TOMT: variants seen among roughly 807,000 people sequenced by gnomAD.
The protein encoded by TOMT is transmembrane O-methyltransferase.
Under a neutral mutation model 21.7 loss-of-function variants are expected in TOMT, and 23 were observed. The observed-to-expected ratio is 1.06, with a 90% CI of 0.76 to 1.50. The LOEUF (loss-of-function observed/expected upper bound fraction) is 1.50. Among genes scored for constraint, TOMT ranks in the 40% most tolerant of loss-of-function variants. TOMT has a pLI of 0.00. For synonymous variants in TOMT, 132 were observed against 150.8 expected (o/e 0.88, Z 0.91); for missense variants, 331 against 348.7 (o/e 0.95, Z 0.41).
At chr11:72,106,046 T>C (rs1384559735) in exon 1 of TOMT, 2 of 1,550,964 alleles carry the variant, frequency 1.3e-6, no homozygotes, top group Non-Finnish European at 1.7e-6. Context: ...CGCACGGTCT[T>C]GCTGCGAAGC....
chr11:72,108,704 C>T lies in TOMT; in HGVS notation c.556C>T (p.Arg186Ter), dbSNP rs923848175. 34 of 1,548,236 alleles carry T rather than the reference C, an allele frequency of 2.2e-5. No individual in the cohort carries two copies. The highest frequency in any genetic ancestry group is 1.5e-4 in the East Asian group (6 of 40,910). ...CCTGGTGCTCCTGGCACACCGGCCA[C>T]GATGTTACCTGAGGGACCTGCAGCT... Residue 186 changes from arginine (R) to a stop codon, truncating the protein, a stop_gained, in exon 3 of 3, where the codon CGA becomes TGA. Transcript: ENST00000541899. LOFTEE classifies it high-confidence loss of function.
exon 3 of TOMT, chr11:72,108,858 C>T: frequency 6.4e-7 from 1 of 1,550,702 alleles, no homozygotes; most frequent in Non-Finnish European, 8.7e-7. Flanking sequence ...CTCCACCACA[C>T]TGGCCTTCCA....
At chr11:72,108,868 A>C in exon 3 of TOMT, 1 of 1,550,328 alleles carries the variant, frequency 6.5e-7, no homozygotes, top group Non-Finnish European at 8.7e-7. Context: ...CTGGCCTTCC[A>C]GACTTCCCTG....
At chr11:72,107,601 T>A in intron 1 of TOMT, 1 of 685,204 alleles carries the variant, frequency 1.5e-6, no homozygotes, top group Non-Finnish European at 2.7e-6. Context: ...TACTGAGAGA[T>A]GAACCTGGAA....
At chr11:72,108,632 G>A (rs1311243087) in exon 3 of TOMT, 3 of 1,493,748 alleles carry the variant, frequency 2.0e-6, no homozygotes, top group Non-Finnish European at 2.7e-6. Context: ...CAGCTCAGAG[G>A]ACGTGATCCC....
chr11:72,106,343 T>C (rs1376538112), intron 1 of TOMT, 133 bp downstream of exon 1: 6 of 981,230 alleles, frequency 6.1e-6, no homozygotes, highest in Non-Finnish European at 8.3e-6. Flanking sequence ...TTTTTTCTCA[T>C]CTGGAAATGA....
At chr11:72,107,484 G>A (rs1347199976) in intron 1 of TOMT, 1 of 702,884 alleles carries the variant, frequency 1.4e-6, no homozygotes, top group Non-Finnish European at 2.6e-6. Flanking sequence ...GGGTGGGAAG[G>A]GCAAAGCCAG....
At chr11:72,106,205 T>G in exon 1 of TOMT, 1 of 1,491,520 alleles carries the variant, frequency 6.7e-7, no homozygotes, top group Non-Finnish European at 9.0e-7. Flanking sequence ...ATGGGGCCTG[T>G]CAAAGGTCAG....
At chr11:72,108,146 A>G in intron 2 of TOMT, 27 bp downstream of exon 2, 1 of 1,469,282 alleles carries the variant, frequency 6.8e-7, no homozygotes, top group Non-Finnish European at 9.1e-7. Context: ...CCCAACCCAG[A>G]TTTTTGTCAC....
exon 3 of TOMT, chr11:72,108,866 C>G (rs1230887072): frequency 6.4e-7 from 1 of 1,550,500 alleles, no homozygotes; most frequent in Admixed American, 2.0e-5. Flanking sequence ...CACTGGCCTT[C>G]CAGACTTCCC....
At chr11:72,109,188 T>C (rs1438489632) in exon 3 of TOMT, 1 of 509,786 alleles carries the variant, frequency 2.0e-6, no homozygotes, top group Non-Finnish European at 3.6e-6. Context: ...CCGACCCAGC[T>C]CTGTCACTGA....
intron 2 of TOMT, among the ~76,000 whole-genome samples, chr11:72,108,400 C>T (rs768745109): frequency 6.6e-6 from 1 of 152,238 alleles, no homozygotes; most frequent in Non-Finnish European, 1.5e-5. Context: ...TTGAGCAAAG[C>T]ATGCATCCTC....
chr11:72,107,117 A>G (rs1945763919), intron 1 of TOMT: 3 of 318,538 alleles, frequency 9.4e-6, no homozygotes, highest in Non-Finnish European at 1.7e-5. Context: ...AAATTTAAAA[A>G]TTAGCCGGGT....
chr11:72,108,530 G>A (rs992192892), intron 2 of TOMT, 75 bp from the exon 3 acceptor site: 27 of 1,349,084 alleles, frequency 2.0e-5, no homozygotes, highest in Non-Finnish European at 2.6e-5. Flanking sequence ...CATGAAGTAA[G>A]CCAGATCCTG....
Position 72,106,101 on chromosome 11 carries a change from C to G in TOMT, c.150C>G (p.Phe50Leu), listed in dbSNP as rs746981074. Residue 50 changes from phenylalanine to leucine, a missense_variant, in exon 1 of 3, where the codon TTC (phenylalanine) becomes TTG (leucine). Coordinates refer to ENST00000541899, the Ensembl canonical transcript of TOMT. ...GGCTGCGGATCGAGGAGCGGGCCTT[C>G]AGCTACGTGCTCACCCATGCCCTGC... 1.5e-5 allele frequency: 23 copies of G among 1,548,976 alleles called. No individual in the cohort carries two copies. Among genetic ancestry groups the G allele is most frequent in the Non-Finnish European group, 1.5e-5 (17 of 1,146,902 alleles).
In TOMT at chr11:72,106,007, G is replaced by A. The variant is rs950057959; in HGVS notation, c.56G>A (p.Arg19Gln). ...CCACTGGTGGTAACATTGCTGGTGC[G>A]GTACCGGCACTACTTCCGATTGCTG... is the stretch of plus-strand genomic sequence containing the variant. Residue 19 changes from arginine to glutamine, a missense_variant, in exon 1 of 3, where the codon CGG becomes CAG. Transcript: ENST00000541899. 57 of 1,550,790 alleles carry A rather than the reference G, an allele frequency of 3.7e-5. No homozygotes were observed. The Admixed American group carries it at 4.5e-4, about 12-fold the overall frequency.
chr11:72,106,946 AAAAAAAAAAAAG>A (rs1945744263), intron 1 of TOMT: 1 of 151,190 alleles, frequency 6.6e-6, no homozygotes, highest in Non-Finnish European at 1.4e-5. Context: ...GTCTCAAAAA[AAAAAAAAAAAAG>A]AAAAAGAAAA....
chr11:72,105,976 T>C, exon 1 of TOMT: 2 of 1,550,204 alleles, frequency 1.3e-6, no homozygotes, highest in Non-Finnish European at 1.7e-6. Context: ...TGCATTGGCC[T>C]TCCTGCCACT....
chr11:72,108,825 G>C, exon 3 of TOMT: 1 of 1,550,576 alleles, frequency 6.4e-7, no homozygotes, highest in Non-Finnish European at 8.7e-7. Flanking sequence ...TATGCTAAGA[G>C]CTGTGGCCGC....
Sources: allele counts gnomAD v4.1 joint callset (sites outside exome capture counted in the v4.1 genomes callset), GRCh38; gene constraint gnomAD v4.1.1; transcripts MANE v1.5; gene names NCBI Gene and HGNC (gene_info 2026-07-23, HGNC 2026-07-21).